PTPRM: variants seen among roughly 807,000 people sequenced by gnomAD.
PTPRM encodes receptor-type tyrosine-protein phosphatase mu.
In PTPRM, 47 loss-of-function variants were observed where a neutral mutation model predicts 186.7. That is an observed-to-expected ratio of 0.25 (90% CI 0.20 to 0.32). PTPRM has a LOEUF of 0.32. Among genes scored for constraint, PTPRM ranks in the 10% least tolerant of loss-of-function variants. The pLI is 1.00. For synonymous variants in PTPRM, 668 were observed against 674.9 expected, an observed-to-expected ratio of 0.99 and a Z score of 0.16; for missense variants, 1,494 against 1,865.0, an observed-to-expected ratio of 0.80 and a Z score of 3.66.
At chr18:8,147,591 A>G (rs1368028380) in intron 14 of PTPRM, among the ~76,000 whole-genome samples, 1 of 152,094 alleles carries the variant, frequency 6.6e-6, no homozygotes, top group Admixed American at 6.6e-5. Context: ...GTCTTCTGCA[A>G]AGAGATAATT....
Position 8,238,657 on chromosome 18 carries a change from T to TTTTTTG in PTPRM, c.2301-5396_2301-5395insGTTTTT, listed in dbSNP as rs1568578098. On this transcript the variant is annotated intron_variant, in intron 14 of 32. Transcript: ENST00000580170. Reference sequence around the variant, plus strand: ...TCTTCACACTGTTTTGTGTGTTTTTTTTTTTTTTTTTTTTTTTTTTTTTTT... The same window carrying TTTTTTG: ...TCTTCACACTGTTTTGTGTGTTTTTTTTTTTGTTTTTTTTTTTTTTTTTTTTTTTTT... Among the ~76,000 whole-genome samples, 486 of 121,638 alleles carry TTTTTTG rather than the reference T, an allele frequency of 4.0e-3. 10 individuals are homozygous for TTTTTTG. Among genetic ancestry groups the TTTTTTG allele is most frequent in the African/African-American group, 0.014 (467 of 32,256 alleles). The allele number at this position is 121,638 out of a possible 152,430, so 79.8% of individuals were successfully genotyped here.
intron 1 of PTPRM, among the ~76,000 whole-genome samples, chr18:7,736,131 A>G (rs727037): frequency 0.51 from 77,448 of 151,848 alleles, 20,477 homozygotes; most frequent in East Asian, 0.86. Flanking sequence ...TGAATATTTT[A>G]TAGAGTTTGG....
chr18:8,144,571 C>A (rs1438099395), intron 14 of PTPRM, among the ~76,000 whole-genome samples: 3 of 152,060 alleles, frequency 2.0e-5, no homozygotes, highest in Non-Finnish European at 4.4e-5. Context: ...GCACTCCAGC[C>A]TGGGCAACAG....
rs536947463 is a variant in PTPRM, at chr18:8,342,823, G to A, written c.2957-600G>A. ...GCTTTTTAATGCTCAGATCCCAAGA[G>A]CTAAGGAAGTAGATGGCTATTTATG... On this transcript the variant is annotated intron_variant, in intron 22 of 32. Coordinates refer to ENST00000580170, the MANE Select transcript of PTPRM (RefSeq NM_001105244.2). Among the ~76,000 whole-genome samples, 5 of 152,232 alleles carry A rather than the reference G, an allele frequency of 3.3e-5. No homozygotes were observed. In the East Asian group the frequency reaches 9.6e-4, roughly 29 times the overall value.
intron 1 of PTPRM, among the ~76,000 whole-genome samples, chr18:7,706,978 G>C (rs2040108042): frequency 1.3e-5 from 2 of 152,132 alleles, no homozygotes; most frequent in African/African-American, 4.8e-5. Flanking sequence ...GGGGTGAGTT[G>C]GGGTGTGGAC....
At chr18:7,784,636 G>T (rs1001241516) in intron 2 of PTPRM, among the ~76,000 whole-genome samples, 2 of 152,138 alleles carry the variant, frequency 1.3e-5, no homozygotes, top group African/African-American at 4.8e-5. Context: ...ATATTCTTCA[G>T]ATCTACCAAG....
At chr18:8,189,551 A>G (rs2093684629) in intron 14 of PTPRM, among the ~76,000 whole-genome samples, 1 of 152,172 alleles carries the variant, frequency 6.6e-6, no homozygotes, top group African/African-American at 2.4e-5. Flanking sequence ...AGCCATAGAA[A>G]GTTTTTGGGA....
intron 23 of PTPRM, among the ~76,000 whole-genome samples, chr18:8,344,421 G>GAT (rs1410987722): frequency 4.5e-5 from 5 of 111,994 alleles, no homozygotes; most frequent in African/African-American, 1.9e-4. Context: ...ATAAGTAGGA[G>GAT]ATATATATAT....
chr18:7,976,616 A>G (rs1450607035), intron 7 of PTPRM, among the ~76,000 whole-genome samples: 3 of 152,018 alleles, frequency 2.0e-5, no homozygotes, highest in African/African-American at 4.8e-5. Context: ...TTATTTATGA[A>G]AAAAAAAGAG....
chr18:8,133,812 G>GT (rs1488195355), intron 13 of PTPRM, among the ~76,000 whole-genome samples: 1 of 151,980 alleles, frequency 6.6e-6, no homozygotes, highest in African/African-American at 2.4e-5. Context: ...ATTTGATTTT[G>GT]TTTTTTTAAA....
chr18:8,230,318 G>T (rs543967639), intron 14 of PTPRM, among the ~76,000 whole-genome samples: 7 of 152,298 alleles, frequency 4.6e-5, no homozygotes, highest in East Asian at 1.9e-4. Context: ...TCTAGAGTGG[G>T]CTTCTTAAGT....
intron 1 of PTPRM, among the ~76,000 whole-genome samples, chr18:7,672,390 A>C (rs917474801): frequency 6.6e-6 from 1 of 152,198 alleles, no homozygotes; most frequent in Non-Finnish European, 1.5e-5. Flanking sequence ...TTGGCATTAC[A>C]TTAAACTGCT....
At chr18:8,389,512 C>G (rs2095798094) in intron 31 of PTPRM, among the ~76,000 whole-genome samples, 2 of 152,222 alleles carry the variant, frequency 1.3e-5, no homozygotes, top group Non-Finnish European at 2.9e-5. Context: ...TCTCTCCTGC[C>G]TGTGCAGCAT....
chr18:7,772,861 A>G (rs754935344), intron 1 of PTPRM, among the ~76,000 whole-genome samples: 1 of 152,204 alleles, frequency 6.6e-6, no homozygotes, highest in Non-Finnish European at 1.5e-5. Context: ...TCAGTGGCAA[A>G]CAATTATAAT....
chr18:8,314,947 A>G (rs182368921), intron 21 of PTPRM, 90 bp downstream of exon 21: 645 of 792,208 alleles, frequency 8.1e-4, no homozygotes, highest in Non-Finnish European at 1.1e-3. Flanking sequence ...TACAATGCAT[A>G]ATGATTAAAT....
At chr18:8,187,429 G>T (rs2146662879) in intron 14 of PTPRM, among the ~76,000 whole-genome samples, 1 of 152,340 alleles carries the variant, frequency 6.6e-6, no homozygotes, top group South Asian at 2.1e-4. Flanking sequence ...GGTGGGCAAG[G>T]CGGTGGCAGA....
At chr18:7,718,112 A>G (rs1277013993) in intron 1 of PTPRM, among the ~76,000 whole-genome samples, 1 of 152,206 alleles carries the variant, frequency 6.6e-6, no homozygotes. Context: ...AGCCCAAGCA[A>G]TACTAAGCAA....
chr18:8,297,319 G>C (rs1313068865), intron 20 of PTPRM, among the ~76,000 whole-genome samples: 1 of 152,208 alleles, frequency 6.6e-6, no homozygotes, highest in African/African-American at 2.4e-5. Context: ...GAACAAACTT[G>C]GGAGGTTTGG....
chr18:8,239,844 A>G (rs962777613), intron 14 of PTPRM, among the ~76,000 whole-genome samples: 9 of 152,196 alleles, frequency 5.9e-5, no homozygotes, highest in African/African-American at 2.2e-4. Context: ...TTAATGATCT[A>G]TTTATAGATA....
Sources: allele counts gnomAD v4.1 joint callset (sites outside exome capture counted in the v4.1 genomes callset), GRCh38; gene constraint gnomAD v4.1.1; transcripts MANE v1.5; gene names NCBI Gene and HGNC (gene_info 2026-07-23, HGNC 2026-07-21).